ARID1B: variants seen among roughly 807,000 people sequenced by gnomAD.
The protein encoded by ARID1B is AT-rich interactive domain-containing protein 1B.
A neutral mutation model predicts 212.3 loss-of-function variants in ARID1B; 30 were observed. The observed-to-expected ratio is 0.14, with a 90% CI of 0.11 to 0.19. The LOEUF is 0.19. Among genes scored for constraint, ARID1B ranks in the 10% least tolerant of loss-of-function variants. The probability of loss-of-function intolerance (pLI) is 1.00; values close to 1 mark genes in which losing one functional copy is unlikely to be tolerated. For missense variants in ARID1B, 2,891 were observed against 3,204.0 expected, an observed-to-expected ratio of 0.90 and a Z score of 2.36; for synonymous variants, 1,402 against 1,301.7, an observed-to-expected ratio of 1.08 and a Z score of -1.66.
At chr6:156,829,779 A>G (rs1342624334) in intron 2 of ARID1B, 1 of 169,910 alleles carries the variant, frequency 5.9e-6, no homozygotes, top group Non-Finnish European at 1.2e-5. Context: ...TGAATAGACC[A>G]TCTTAAGGTG....
At chr6:157,105,837 T>C (rs1786439066) in intron 5 of ARID1B, among the ~76,000 whole-genome samples, 1 of 152,088 alleles carries the variant, frequency 6.6e-6, no homozygotes, top group Non-Finnish European at 1.5e-5. Flanking sequence ...CCTGACTTCA[T>C]GATCCGCCCG....
At chr6:157,005,685 C>T (rs748432591) in intron 4 of ARID1B, among the ~76,000 whole-genome samples, 10 of 152,178 alleles carry the variant, frequency 6.6e-5, no homozygotes, top group South Asian at 4.1e-4. Context: ...GTTCTACTCA[C>T]CACATCCCAA....
chr6:157,095,364 T>C (rs1361573436), intron 5 of ARID1B, among the ~76,000 whole-genome samples: 1 of 152,216 alleles, frequency 6.6e-6, no homozygotes, highest in African/African-American at 2.4e-5. Context: ...CTTAAAGCTC[T>C]CCAGGTGGTT....
intron 6 of ARID1B, among the ~76,000 whole-genome samples, chr6:157,120,692 C>A (rs2128548189): frequency 6.6e-6 from 1 of 152,266 alleles, no homozygotes; most frequent in African/African-American, 2.4e-5. Context: ...GTAACCGTGG[C>A]ACACACACAT....
chr6:156,907,856 C>T lies in ARID1B; in HGVS notation c.2136+6331C>T, dbSNP rs142629661. 6.4e-3 allele frequency among the ~76,000 whole-genome samples: 934 copies of T among 146,726 alleles called. 13 individuals carry two copies. The highest frequency in any genetic ancestry group is 0.022 in the African/African-American group (878 of 39,486). ...CTGGGAGGCAGAGGTTGTAGTGAGT[C>T]GAGGTCGCGCCACTGCACTGCAGCC... On this transcript the variant is annotated intron_variant, in intron 3 of 19. Coordinates refer to ENST00000636930, the MANE Select transcript of ARID1B (RefSeq NM_001374828.1).
At chr6:157,087,787 GCT>G (rs1785044403) in intron 5 of ARID1B, among the ~76,000 whole-genome samples, 1 of 142,702 alleles carries the variant, frequency 7.0e-6, no homozygotes, top group African/African-American at 2.6e-5. Flanking sequence ...ACAGAGTTGA[GCT>G]CAGTTTTCTT....
At chr6:156,788,588 T>C (rs1179190380) in intron 1 of ARID1B, among the ~76,000 whole-genome samples, 9 of 152,208 alleles carry the variant, frequency 5.9e-5, no homozygotes. Context: ...AGTAGGCTTC[T>C]TGGAGATTTT....
intron 4 of ARID1B, among the ~76,000 whole-genome samples, chr6:156,964,015 C>G (rs1223755287): frequency 6.6e-6 from 1 of 152,232 alleles, no homozygotes; most frequent in African/African-American, 2.4e-5. Context: ...CTCCACTGCT[C>G]GTTTGTTTCA....
intron 6 of ARID1B, among the ~76,000 whole-genome samples, chr6:157,123,433 G>A (rs1224644370): frequency 2.6e-5 from 4 of 152,206 alleles, no homozygotes; most frequent in Non-Finnish European, 5.9e-5. Context: ...ATCTGGAAGG[G>A]CACAGGACTT....
chr6:157,008,614 C>G (rs1177206747), intron 4 of ARID1B, among the ~76,000 whole-genome samples: 1 of 152,134 alleles, frequency 6.6e-6, no homozygotes, highest in Non-Finnish European at 1.5e-5. Flanking sequence ...TTACTGCATT[C>G]CCTATTAGTT....
intron 1 of ARID1B, among the ~76,000 whole-genome samples, chr6:156,803,498 C>G (rs1288583699): frequency 1.3e-5 from 2 of 152,168 alleles, no homozygotes; most frequent in Admixed American, 1.3e-4. Flanking sequence ...TCTGTACTTA[C>G]CTGTCTTAAA....
At chr6:157,170,113 G>A (rs925362494) in intron 9 of ARID1B, 1 of 152,114 alleles carries the variant, frequency 6.6e-6, no homozygotes, top group African/African-American at 2.4e-5. Flanking sequence ...TCTTGAGGTG[G>A]GTCCAGGAAT....
At chr6:157,080,623 A>G (rs1032916285) in intron 4 of ARID1B, among the ~76,000 whole-genome samples, 4 of 152,152 alleles carry the variant, frequency 2.6e-5, no homozygotes, top group Admixed American at 2.0e-4. Flanking sequence ...ATCTGAACAT[A>G]TTCATGCTGC....
At chr6:157,048,841 G>A (rs767712907) in intron 4 of ARID1B, among the ~76,000 whole-genome samples, 4 of 152,134 alleles carry the variant, frequency 2.6e-5, no homozygotes, top group Admixed American at 1.3e-4. Flanking sequence ...CATGCAGCCC[G>A]CAGTGGCTCT....
intron 4 of ARID1B, among the ~76,000 whole-genome samples, chr6:157,047,181 G>A (rs764820873): frequency 6.6e-6 from 1 of 152,070 alleles, no homozygotes; most frequent in Non-Finnish European, 1.5e-5. Context: ...TAGTGAAAAC[G>A]GTATTTTTCT....
intron 1 of ARID1B, among the ~76,000 whole-genome samples, chr6:156,813,228 C>A (rs1000269334): frequency 6.6e-6 from 1 of 150,828 alleles, no homozygotes; most frequent in Non-Finnish European, 1.5e-5. Flanking sequence ...CTCAGCCTCC[C>A]GAGTAGCTAC....
At chr6:157,084,139 C>A (rs1025174138) in intron 4 of ARID1B, among the ~76,000 whole-genome samples, 13 of 149,140 alleles carry the variant, frequency 8.7e-5, no homozygotes, top group East Asian at 3.9e-4. Context: ...CATCACCTCC[C>A]CCCCAAAAAA....
At position 156,987,903 on chromosome 6, in the gene ARID1B, T is replaced by A. The variant is rs187625822; in HGVS notation, c.2247+52327T>A. On this transcript the variant is annotated intron_variant, in intron 4 of 19. Transcript: ENST00000636930. ...GTACCTTTCTGTACTTTCTGTAATATGTTTTTGAATATACATATGAAATAC... is the reference window on the plus strand; with the variant it reads ...GTACCTTTCTGTACTTTCTGTAATAAGTTTTTGAATATACATATGAAATAC... 1.2e-3 allele frequency among the ~76,000 whole-genome samples: 177 copies of A among 152,356 alleles called. No individual in the cohort carries two copies. In the Middle Eastern group the frequency reaches 0.044, roughly 38 times the overall value.
chr6:156,864,479 A>G (rs1785544410), intron 2 of ARID1B, among the ~76,000 whole-genome samples: 1 of 152,142 alleles, frequency 6.6e-6, no homozygotes, highest in Admixed American at 6.5e-5. Flanking sequence ...CTTTTAGCCT[A>G]GTTTTTAAAA....
Sources: gnomAD v4.1 joint callset for allele counts (sites outside exome capture counted in the v4.1 genomes callset) on GRCh38, gnomAD v4.1.1 for gene constraint, MANE v1.5 for transcripts, NCBI Gene and HGNC (gene_info 2026-07-23, HGNC 2026-07-21) for gene names.